The following DENND1A variants were observed in gnomAD, a reference collection of about 807,000 sequenced individuals.
DENND1A encodes DENN domain-containing protein 1A.
DENND1A carries 51 observed loss-of-function variants against 113.7 expected under a neutral mutation model. The ratio of observed to expected loss-of-function variants is 0.45; its 90% CI spans 0.36 to 0.57. The LOEUF (loss-of-function observed/expected upper bound fraction) is 0.57. Among genes scored for constraint, DENND1A ranks in the 20% least tolerant of loss-of-function variants. DENND1A has a pLI of 0.00. For synonymous variants in DENND1A, 565 were observed against 570.8 expected, an observed-to-expected ratio of 0.99 and a Z score of 0.14; for missense variants, 1,258 against 1,395.9, an observed-to-expected ratio of 0.90 and a Z score of 1.57.
intron 13 of DENND1A, among the ~76,000 whole-genome samples, chr9:123,513,913 C>A (rs1340596577): frequency 1.3e-5 from 2 of 152,190 alleles, no homozygotes; most frequent in Non-Finnish European, 1.5e-5. Flanking sequence ...CTAACTGGAG[C>A]CTGCCCAACA....
intron 19 of DENND1A, among the ~76,000 whole-genome samples, chr9:123,420,256 T>C (rs763421453): frequency 6.6e-6 from 1 of 152,178 alleles, no homozygotes; most frequent in Non-Finnish European, 1.5e-5. Flanking sequence ...AGAGGCTCTA[T>C]TATGATTGCC....
chr9:123,411,399 T>C (rs1044758156), intron 20 of DENND1A: 1 of 152,282 alleles, frequency 6.6e-6, no homozygotes, highest in Admixed American at 6.5e-5. Context: ...CAGACCAAGA[T>C]CTGGCGGGAA....
chr9:123,828,323 G>A lies in DENND1A; in HGVS notation c.89-35693C>T, dbSNP rs1474615976. ...AAAAAACAAGTGAACAGATAGGTCAGAAAAAAATATCCAGATTAAGCCCAA... is the reference window on the plus strand; with the variant it reads ...AAAAAACAAGTGAACAGATAGGTCAAAAAAAAATATCCAGATTAAGCCCAA... On this transcript the variant is annotated intron_variant, in intron 2 of 23. Coordinates refer to ENST00000394215, the MANE Select transcript of DENND1A (RefSeq NM_001352964.2). 2.6e-5 allele frequency among the ~76,000 whole-genome samples: 4 copies of A among 151,868 alleles called. No homozygotes were observed. The East Asian group carries it at 7.7e-4, about 29-fold the overall frequency.
chr9:123,858,291 C>T (rs183983035), intron 2 of DENND1A, among the ~76,000 whole-genome samples: 1 of 152,086 alleles, frequency 6.6e-6, no homozygotes. Context: ...CTGACGTAGT[C>T]GAGGTTGAGA....
intron 10 of DENND1A, among the ~76,000 whole-genome samples, chr9:123,625,134 T>C (rs2061142668): frequency 6.6e-6 from 1 of 152,238 alleles, no homozygotes; most frequent in African/African-American, 2.4e-5. Context: ...TATGTGTCCA[T>C]ATAATTCTCT....
chr9:123,843,060 C>G, intron 2 of DENND1A: 3 of 513,154 alleles, frequency 5.8e-6, no homozygotes, highest in South Asian at 4.5e-5. Context: ...CATCAAAAAA[C>G]TACTTTATAC....
intron 13 of DENND1A, among the ~76,000 whole-genome samples, chr9:123,537,573 T>C (rs1442111877): frequency 6.6e-6 from 1 of 151,862 alleles, no homozygotes; most frequent in Non-Finnish European, 1.5e-5. Flanking sequence ...GAAATTGTAT[T>C]CCTGGTCTAC....
chr9:123,925,743 C>T (rs1856980904), intron 1 of DENND1A, among the ~76,000 whole-genome samples: 3 of 152,174 alleles, frequency 2.0e-5, no homozygotes. Flanking sequence ...GGTCACTAAC[C>T]TCACAGAGGT....
chr9:123,750,860 G>A (rs779582441), intron 5 of DENND1A, among the ~76,000 whole-genome samples: 6 of 152,202 alleles, frequency 3.9e-5, no homozygotes, highest in East Asian at 1.9e-4. Flanking sequence ...GGGTACCCTC[G>A]GGCGAGACAA....
At chr9:123,537,906 T>G (rs1258166347) in intron 13 of DENND1A, among the ~76,000 whole-genome samples, 1 of 152,190 alleles carries the variant, frequency 6.6e-6, no homozygotes, top group Non-Finnish European at 1.5e-5. Context: ...CCTAGGGGAT[T>G]TACCAGGGAG....
chr9:123,612,321 A>C (rs951184332), intron 10 of DENND1A, among the ~76,000 whole-genome samples: 1 of 152,222 alleles, frequency 6.6e-6, no homozygotes, highest in Non-Finnish European at 1.5e-5. Context: ...AACAATTTCT[A>C]TTCTCACTGT....
At chr9:123,436,684 G>A (rs998466483) in intron 19 of DENND1A, among the ~76,000 whole-genome samples, 4 of 152,182 alleles carry the variant, frequency 2.6e-5, no homozygotes, top group African/African-American at 9.7e-5. Context: ...CTTATAAGCT[G>A]AGTGGCCTAA....
intron 21 of DENND1A, among the ~76,000 whole-genome samples, chr9:123,389,772 C>T (rs1564404405): frequency 6.6e-6 from 1 of 152,114 alleles, no homozygotes; most frequent in South Asian, 2.1e-4. Flanking sequence ...GGAGCCCACT[C>T]TCACTCTGCA....
At chr9:123,687,533 A>T (rs940566847) in intron 5 of DENND1A, among the ~76,000 whole-genome samples, 3 of 152,224 alleles carry the variant, frequency 2.0e-5, no homozygotes, top group African/African-American at 7.2e-5. Flanking sequence ...AATAAGCGAT[A>T]AGGCCAGAGA....
At chr9:123,725,700 C>T (rs57915940) in intron 5 of DENND1A, among the ~76,000 whole-genome samples, 1,717 of 152,354 alleles carry the variant, frequency 0.011, 33 homozygotes, top group African/African-American at 0.039. Flanking sequence ...ACAGACTGTA[C>T]GGGCCTCACT....
At chr9:123,733,034 T>C (rs2068289939) in intron 5 of DENND1A, among the ~76,000 whole-genome samples, 1 of 152,164 alleles carries the variant, frequency 6.6e-6, no homozygotes, top group Non-Finnish European at 1.5e-5. Context: ...CAGGCTGGAG[T>C]GCAATGGCGC....
chr9:123,666,826 T>C (rs2063514138), intron 8 of DENND1A, among the ~76,000 whole-genome samples, 200 bp downstream of exon 8: 1 of 152,256 alleles, frequency 6.6e-6, no homozygotes, highest in Admixed American at 6.5e-5. Flanking sequence ...TTATACTTTC[T>C]ATACTTTGCA....
intron 19 of DENND1A, chr9:123,439,893 A>G (rs1318899768): frequency 6.6e-6 from 1 of 152,368 alleles, no homozygotes; most frequent in Non-Finnish European, 1.5e-5. Flanking sequence ...CTAGAATTGT[A>G]GCACGGGTGT....
chr9:123,810,884 G>A (rs926628021), intron 2 of DENND1A, among the ~76,000 whole-genome samples: 2 of 151,488 alleles, frequency 1.3e-5, no homozygotes, highest in Admixed American at 6.6e-5. Flanking sequence ...TCAGCCTCCT[G>A]AGTAGCTAGA....
Sources: allele counts gnomAD v4.1 joint callset (sites outside exome capture counted in the v4.1 genomes callset), GRCh38; gene constraint gnomAD v4.1.1; transcripts MANE v1.5; gene names NCBI Gene and HGNC (gene_info 2026-07-23, HGNC 2026-07-21).